The following KCNN2 variants were observed in gnomAD, a reference collection of about 807,000 sequenced individuals.
The protein encoded by KCNN2 is small conductance calcium-activated potassium channel protein 2.
In KCNN2, 24 loss-of-function variants were observed where a neutral mutation model predicts 55.5. The observed-to-expected ratio is 0.43, with a 90% CI of 0.31 to 0.61. KCNN2 has a LOEUF of 0.61. Among genes scored for constraint, KCNN2 ranks in the 20% least tolerant of loss-of-function variants. The pLI is 0.08. For missense variants in KCNN2, 754 were observed against 853.6 expected, an observed-to-expected ratio of 0.88 and a Z score of 1.45; for synonymous variants, 431 against 336.1, an observed-to-expected ratio of 1.28 and a Z score of -3.09.
chr5:114,200,320 T>C (rs931352817), intron 1 of KCNN2, among the ~76,000 whole-genome samples: 5 of 152,120 alleles, frequency 3.3e-5, no homozygotes, highest in Non-Finnish European at 5.9e-5. Context: ...ATTTTGTATT[T>C]CCCTCAATGA....
intron 3 of KCNN2, among the ~76,000 whole-genome samples, chr5:114,405,300 G>T (rs2150071424): frequency 6.6e-6 from 1 of 152,310 alleles, no homozygotes; most frequent in East Asian, 1.9e-4. Context: ...GTTGGTTTTA[G>T]TGCCTGTATA....
intron 1 of KCNN2, among the ~76,000 whole-genome samples, chr5:114,106,541 G>A (rs1751485865): frequency 6.9e-6 from 1 of 145,806 alleles, no homozygotes; most frequent in South Asian, 2.2e-4. Context: ...TGTTATTCTT[G>A]TTTGTTTTTT....
chr5:114,194,296 C>T (rs1420476155), intron 1 of KCNN2, among the ~76,000 whole-genome samples: 1 of 151,976 alleles, frequency 6.6e-6, no homozygotes, highest in African/African-American at 2.4e-5. Flanking sequence ...AAAATGAATG[C>T]ATCATTTTAC....
At chr5:114,335,732 G>T (rs1352820174) in intron 2 of KCNN2, among the ~76,000 whole-genome samples, 1 of 152,104 alleles carries the variant, frequency 6.6e-6, no homozygotes, top group Non-Finnish European at 1.5e-5. Context: ...AGTCATGAGT[G>T]TTGCCAAAGT....
At chr5:114,361,356 C>T (rs1457432312), upstream of KCNN2, among the ~76,000 whole-genome samples, 1 of 152,180 alleles carries the variant, frequency 6.6e-6, no homozygotes, top group Non-Finnish European at 1.5e-5. Flanking sequence ...ATTCCAGAGC[C>T]TGCCGGCTGG....
intron 1 of KCNN2, among the ~76,000 whole-genome samples, chr5:114,138,577 T>G (rs1331117534): frequency 6.6e-6 from 1 of 152,138 alleles, no homozygotes; most frequent in African/African-American, 2.4e-5. Flanking sequence ...AGCTACAAAT[T>G]GGTTGTATAT....
At chr5:114,220,884 C>G (rs560390867) in intron 1 of KCNN2, among the ~76,000 whole-genome samples, 1 of 150,354 alleles carries the variant, frequency 6.7e-6, no homozygotes, top group Non-Finnish European at 1.5e-5. Flanking sequence ...GAAGATAGGT[C>G]GAAAAGTTCC....
intron 2 of KCNN2, among the ~76,000 whole-genome samples, chr5:114,381,575 A>G (rs1758127153): frequency 6.6e-6 from 1 of 152,168 alleles, no homozygotes; most frequent in Admixed American, 6.5e-5. Context: ...GTGTCCCTCC[A>G]AGAGGATCAC....
chr5:114,422,777 C>A (rs1248233086), intron 3 of KCNN2, among the ~76,000 whole-genome samples: 1 of 152,156 alleles, frequency 6.6e-6, no homozygotes, highest in East Asian at 1.9e-4. Flanking sequence ...CAAATGTGGG[C>A]AGACCATCGT....
At chr5:114,060,184 A>G (rs548797917) in intron 1 of KCNN2, among the ~76,000 whole-genome samples, 2 of 152,254 alleles carry the variant, frequency 1.3e-5, no homozygotes, top group Admixed American at 6.5e-5. Flanking sequence ...TGGGTTTCCA[A>G]TACCTCTGCA....
intron 3 of KCNN2, among the ~76,000 whole-genome samples, chr5:114,416,193 C>T (rs931818027): frequency 6.6e-6 from 1 of 151,956 alleles, no homozygotes; most frequent in Non-Finnish European, 1.5e-5. Flanking sequence ...AGAGAATATC[C>T]GTCATTTTTT....
chr5:114,107,456 C>T (rs1751511891), intron 1 of KCNN2, among the ~76,000 whole-genome samples: 1 of 152,122 alleles, frequency 6.6e-6, no homozygotes, highest in Non-Finnish European at 1.5e-5. Context: ...ACAATCATGG[C>T]TCGCTGCAGC....
chr5:114,234,322 G>T (rs1754427859), intron 2 of KCNN2, among the ~76,000 whole-genome samples: 1 of 152,132 alleles, frequency 6.6e-6, no homozygotes, highest in Non-Finnish European at 1.5e-5. Context: ...AAACAGAGAA[G>T]ACTGACCTTG....
chr5:114,328,472 G>A (rs1319970522), intron 2 of KCNN2, among the ~76,000 whole-genome samples: 2 of 152,304 alleles, frequency 1.3e-5, no homozygotes, highest in Non-Finnish European at 2.9e-5. Flanking sequence ...TTTGCTAAAT[G>A]TGCAGGAAAG....
chr5:114,304,943 T>G (rs181292933), intron 2 of KCNN2, among the ~76,000 whole-genome samples: 2 of 152,322 alleles, frequency 1.3e-5, no homozygotes, highest in Admixed American at 1.3e-4. Flanking sequence ...TGCCTGCCAT[T>G]TGACCACTGG....
intron 1 of KCNN2, among the ~76,000 whole-genome samples, chr5:114,181,987 C>G (rs1273647400): frequency 1.3e-5 from 2 of 150,976 alleles, no homozygotes; most frequent in Non-Finnish European, 2.9e-5. Flanking sequence ...GCACTTCAGC[C>G]TGGGCAACAG....
intron 2 of KCNN2, among the ~76,000 whole-genome samples, chr5:114,233,483 A>G (rs150707513): frequency 3.4e-4 from 52 of 152,324 alleles, no homozygotes; most frequent in African/African-American, 1.3e-3. Flanking sequence ...CAATAGGACC[A>G]TAACACTCTC....
At chr5:114,410,298 C>G (rs79622105) in intron 3 of KCNN2, among the ~76,000 whole-genome samples, 27 of 152,198 alleles carry the variant, frequency 1.8e-4, no homozygotes, top group Non-Finnish European at 3.4e-4. Context: ...GCTATTCACC[C>G]CAAAGTGTGT....
At chr5:114,080,369 T>C (rs1260062577) in intron 1 of KCNN2, among the ~76,000 whole-genome samples, 1 of 152,174 alleles carries the variant, frequency 6.6e-6, no homozygotes, top group Non-Finnish European at 1.5e-5. Flanking sequence ...AAGAATTTGT[T>C]TGAGATCTGC....
Sources: gnomAD v4.1 joint callset for allele counts (sites outside exome capture counted in the v4.1 genomes callset) on GRCh38, gnomAD v4.1.1 for gene constraint, MANE v1.5 for transcripts, NCBI Gene and HGNC (gene_info 2026-07-23, HGNC 2026-07-21) for gene names.